The following PIGP variants were observed in gnomAD, a reference collection of about 807,000 sequenced individuals.
PIGP encodes phosphatidylinositol N-acetylglucosaminyltransferase subunit P.
PIGP carries 12 observed loss-of-function variants against 16.9 expected under a neutral mutation model. That is an observed-to-expected ratio of 0.71 (90% CI 0.46 to 1.15). The LOEUF (loss-of-function observed/expected upper bound fraction) is 1.15, where lower values mean the gene tolerates loss of function less well. PIGP is among the 50% of genes most tolerant of loss of function. The pLI, the probability that PIGP is intolerant of heterozygous loss-of-function variation, is 0.00. For missense variants in PIGP, 159 were observed against 153.5 expected, an observed-to-expected ratio of 1.04 and a Z score of -0.19; for synonymous variants, 57 against 54.7, an observed-to-expected ratio of 1.04 and a Z score of -0.18.
At chr21:37,072,142 T>G in intron 2 of PIGP, 1 of 1,028,636 alleles carries the variant, frequency 9.7e-7, no homozygotes, top group South Asian at 1.3e-5. Flanking sequence ...ACTGTAGATT[T>G]ACCCATCTGT....
chr21:37,072,032 C>G (rs1461399483), intron 2 of PIGP: 2 of 759,612 alleles, frequency 2.6e-6, no homozygotes, highest in East Asian at 4.9e-5. Context: ...TAATCAGCAT[C>G]AGTGCCAGGG....
rs7337 is a variant in PIGP at position 37,065,463 on chromosome 21, C to G, written c.*119G>C. On this transcript the variant is annotated 3_prime_UTR_variant, in exon 5 of 5. Transcript: ENST00000360525. ...TGAACATAATCTAAGAGAAGGTCAA[C>G]TTACATTTTTTACTTCTCTATTAAT... The G allele has an allele frequency of 0.39, 368,387 of 937,326 alleles. 74,536 individuals are homozygous for G. The highest frequency in any genetic ancestry group is 0.57 in the South Asian group (35,282 of 62,256). 58.1% of individuals were successfully genotyped at this position (937,326 alleles called of 1,614,324 possible).
intron 3 of PIGP, chr21:37,069,177 G>A (rs2069956906): frequency 6.3e-6 from 1 of 158,364 alleles, no homozygotes; most frequent in Admixed American, 6.3e-5. Flanking sequence ...CCCTACTTCA[G>A]CAACGTGAAA....
intron 4 of PIGP, 143 bp from the exon 5 acceptor site, chr21:37,065,855 T>G: frequency 3.2e-6 from 2 of 623,198 alleles, no homozygotes; most frequent in Non-Finnish European, 5.5e-6. Flanking sequence ...AGATGATTAC[T>G]TAAATCCTCT....
At chr21:37,068,950 A>G (rs187947090) in intron 3 of PIGP, among the ~76,000 whole-genome samples, 17 of 151,986 alleles carry the variant, frequency 1.1e-4, no homozygotes, top group African/African-American at 3.9e-4. Flanking sequence ...CATGCTAGAG[A>G]CTCTTACTTA....
At chr21:37,070,196 C>T (rs1415710412) in intron 2 of PIGP, among the ~76,000 whole-genome samples, 5 of 152,232 alleles carry the variant, frequency 3.3e-5, no homozygotes, top group Middle Eastern at 3.4e-3. Flanking sequence ...GATAATCCTC[C>T]AAGACAATCC....
chr21:37,072,426 G>C lies in PIGP; in HGVS notation c.82+8C>G. The C allele has an allele frequency of 6.2e-7, 1 of 1,614,134 alleles. No individual in the cohort carries two copies. Among genetic ancestry groups the C allele is most frequent in the Non-Finnish European group, 8.5e-7 (1 of 1,179,946 alleles). On this transcript the variant is annotated splice_region_variant and intron_variant, in intron 2 of 4. Transcript: ENST00000360525. ...AAGCCCCTGGCCATCCATCAGGAAA[G>C]TACTTACTGAAGCCAAATTGGGAGC...
intron 2 of PIGP, 54 bp downstream of exon 2, chr21:37,072,380 C>G: frequency 1.9e-6 from 3 of 1,610,772 alleles, no homozygotes; most frequent in Middle Eastern, 3.3e-4. Context: ...GTATTCTTCC[C>G]TTGTCACTGA....
At chr21:37,072,704 C>T in intron 1 of PIGP, 167 bp from the exon 2 acceptor site, 1 of 1,093,282 alleles carries the variant, frequency 9.1e-7, no homozygotes, top group Non-Finnish European at 1.3e-6. Flanking sequence ...GACACCCAGG[C>T]TGGCGCGCGC....
chr21:37,068,637 T>C (rs1324409705), intron 3 of PIGP, among the ~76,000 whole-genome samples: 2 of 152,156 alleles, frequency 1.3e-5, no homozygotes, highest in Non-Finnish European at 2.9e-5. Flanking sequence ...ACAAGTGAGT[T>C]GGAAGCACTA....
chr21:37,065,400 C>A lies in PIGP; in HGVS notation c.*182G>T, dbSNP rs2069884043. ...ATGGGAATGCAATATTGTATTTATT[C>A]TATTCATTAACAATACTTGAACATT... On this transcript the variant is annotated 3_prime_UTR_variant, in exon 5 of 5. Transcript: ENST00000360525. The A allele has an allele frequency of 1.0e-5, 5 of 496,548 alleles. No individual in the cohort carries two copies. In the East Asian group the frequency reaches 2.1e-4, roughly 21 times the overall value. 30.8% of individuals were successfully genotyped at this position (496,548 alleles called of 1,614,324 possible).
chr21:37,068,010 G>GTTTTTTTTTTTTTTTTTTTTT (rs60120833), intron 3 of PIGP, among the ~76,000 whole-genome samples: 1 of 148,046 alleles, frequency 6.8e-6, no homozygotes, highest in Non-Finnish European at 1.5e-5. Context: ...TTCATTGAGT[G>GTTTTTTTTTTTTTTTTTTTTT]TTTTTTTTTT....
rs111793194 is a variant in PIGP at position 37,065,450 on chromosome 21, AAG to A, written c.*130_*131del. 0.011 allele frequency: 8,043 copies of A among 761,954 alleles called. 432 individuals are homozygous for A. The African/African-American group carries it at 0.13, about 12-fold the overall frequency. The allele number at this position is 761,954 out of a possible 1,614,324, so 47.2% of individuals were successfully genotyped here. On this transcript the variant is annotated 3_prime_UTR_variant, in exon 5 of 5. Coordinates refer to ENST00000360525, the MANE Select transcript of PIGP (RefSeq NM_153682.3). ...TTACAATATTCATTGAACATAATCTAAGAGAAGGTCAACTTACATTTTTTACT... is the reference window on the plus strand; with the variant it reads ...TTACAATATTCATTGAACATAATCTAAGAAGGTCAACTTACATTTTTTACT...
At chr21:37,072,148 T>C in intron 2 of PIGP, 2 of 1,083,196 alleles carry the variant, frequency 1.8e-6, no homozygotes, top group African/African-American at 1.5e-5. Context: ...GATTTACCCA[T>C]CTGTCTCCTC....
chr21:37,066,282 T>C (rs2069902041), intron 4 of PIGP, among the ~76,000 whole-genome samples: 1 of 152,122 alleles, frequency 6.6e-6, no homozygotes, highest in South Asian at 2.1e-4. Flanking sequence ...TAAATCAACA[T>C]GGCAAAACTA....
intron 1 of PIGP, chr21:37,072,759 T>G: frequency 3.0e-6 from 2 of 657,296 alleles, no homozygotes; most frequent in Non-Finnish European, 5.1e-6. Context: ...GGAGGGGGGT[T>G]CTGGGGCGAT....
chr21:37,072,612 C>T (rs754060645), intron 1 of PIGP, 75 bp from the exon 2 acceptor site: 4 of 1,604,574 alleles, frequency 2.5e-6, no homozygotes, highest in East Asian at 2.2e-5. Flanking sequence ...CTCCTCGCTC[C>T]GCCGCGGGTA....
At chr21:37,069,315 A>G (rs1322523705) in intron 3 of PIGP, 1 of 239,814 alleles carries the variant, frequency 4.2e-6, no homozygotes, top group Non-Finnish European at 8.0e-6. Context: ...TTTTTCCTGT[A>G]GGGTCATTTT....
rs567491390 is a variant in PIGP at position 37,072,562 on chromosome 21, G to A, written c.-22-25C>T. The A allele has an allele frequency of 2.3e-5, 37 of 1,614,064 alleles. 1 individual carries two copies. The highest frequency in any genetic ancestry group is 2.2e-5 in the East Asian group (1 of 44,898). On this transcript the variant is annotated intron_variant, in intron 1 of 4. Transcript: ENST00000360525. ...TCTGTGGAAAAGGAACACAATCAGC[G>A]TCAGCGATGTGCTCCGTGGCACCAT...
Sources: allele counts gnomAD v4.1 joint callset (sites outside exome capture counted in the v4.1 genomes callset), GRCh38; gene constraint gnomAD v4.1.1; transcripts MANE v1.5; gene names NCBI Gene and HGNC (gene_info 2026-07-23, HGNC 2026-07-21).